The following CDH6 variants were observed in gnomAD, a reference collection of about 807,000 sequenced individuals.
CDH6 encodes cadherin-6.
A neutral mutation model predicts 78.0 loss-of-function variants in CDH6; 31 were observed. The ratio of observed to expected loss-of-function variants is 0.40; its 90% confidence interval spans 0.30 to 0.54. The LOEUF is 0.54. Ranked by LOEUF, CDH6 falls within the 20% of genes least tolerant of loss-of-function variation. The pLI, the probability that CDH6 is intolerant of heterozygous loss-of-function variation, is 0.56. For synonymous variants in CDH6, 376 were observed against 368.8 expected, an observed-to-expected ratio of 1.02 and a Z score of -0.23; for missense variants, 724 against 975.9, an observed-to-expected ratio of 0.74 and a Z score of 3.44.
In CDH6 at chr5:31,247,994, C is replaced by T. The variant is rs548819385; in HGVS notation, c.-128-19352C>T. ...GGAGACTTTTTTCCATATAGTTCAA[C>T]GTAATTTAGTTTTAAAAACTAAAAA... On this transcript the variant is annotated intron_variant, in intron 1 of 11. Transcript: ENST00000265071. 1.2e-4 allele frequency among the ~76,000 whole-genome samples: 18 copies of T among 152,228 alleles called. No homozygotes were observed. In the South Asian group the frequency reaches 2.3e-3, roughly 19 times the overall value.
In CDH6 at chr5:31,325,471, T is replaced by C. The variant is rs1738605456; in HGVS notation, c.*2163T>C. On this transcript the variant is annotated 3_prime_UTR_variant, in exon 12 of 12. Transcript: ENST00000265071. ...GTTAGAAGCTACTTACTCATAGCAA[T>C]AGAACAGCACCTTAATCACACGATT... is the stretch of plus-strand genomic sequence containing the variant. 1 of 231,592 alleles carries C rather than the reference T, an allele frequency of 4.3e-6. No homozygotes were observed. The highest frequency in any genetic ancestry group is 8.5e-6 in the Non-Finnish European group (1 of 117,038). The allele number at this position is 231,592 out of a possible 1,614,324, so 14.3% of individuals were successfully genotyped here. A position where few individuals can be genotyped will look rare whatever the true frequency, so the allele number is the denominator to read the frequency against.
chr5:31,301,242 T>C (rs922965196), intron 5 of CDH6, among the ~76,000 whole-genome samples: 3 of 152,240 alleles, frequency 2.0e-5, no homozygotes, highest in Non-Finnish European at 4.4e-5. Flanking sequence ...AACGCCTACA[T>C]TTTAGTAGTG....
At chr5:31,220,099 T>G (rs370270623) in intron 1 of CDH6, among the ~76,000 whole-genome samples, 33 of 152,336 alleles carry the variant, frequency 2.2e-4, no homozygotes, top group African/African-American at 7.7e-4. Flanking sequence ...CTTTGTACAC[T>G]TCCACAATTA....
intron 1 of CDH6, among the ~76,000 whole-genome samples, chr5:31,266,981 G>T (rs1742379649): frequency 1.3e-5 from 2 of 152,144 alleles, no homozygotes; most frequent in Non-Finnish European, 2.9e-5. Flanking sequence ...TTGTTCATGA[G>T]GATAAATATG....
chr5:31,244,166 G>A (rs1310315095), intron 1 of CDH6, among the ~76,000 whole-genome samples: 1 of 152,186 alleles, frequency 6.6e-6, no homozygotes, highest in Non-Finnish European at 1.5e-5. Context: ...CCAGATGTGT[G>A]TATGATAAGG....
At chr5:31,306,858 G>A (rs544833725) in intron 7 of CDH6, among the ~76,000 whole-genome samples, 2 of 152,282 alleles carry the variant, frequency 1.3e-5, no homozygotes, top group South Asian at 2.1e-4. Flanking sequence ...AAGAGCACCT[G>A]GAGTACTATT....
At chr5:31,249,860 A>C (rs761361912) in intron 1 of CDH6, 2 of 152,410 alleles carry the variant, frequency 1.3e-5, no homozygotes, top group Non-Finnish European at 2.9e-5. Flanking sequence ...TTGGACCAAC[A>C]CTTCACGCAG....
In CDH6 at chr5:31,302,958, G is replaced by GAAAGAAAGAAAGAAA. The variant is rs1561066578; in HGVS notation, c.999+660_999+661insAAAGAAAGAAAGAAA. Among the ~76,000 whole-genome samples, 94 of 106,130 alleles carry GAAAGAAAGAAAGAAA rather than the reference G, an allele frequency of 8.9e-4. 1 individual carries two copies. Among genetic ancestry groups the GAAAGAAAGAAAGAAA allele is most frequent in the East Asian group, 8.2e-3 (34 of 4,132 alleles). The allele number at this position is 106,130 out of a possible 152,430, so 69.6% of individuals were successfully genotyped here. A position where few individuals can be genotyped will look rare whatever the true frequency, so the allele number is the denominator to read the frequency against. The stretch of plus-strand genomic sequence containing the variant: ...AAGAAAGAAAGAAAGAAAGAAAGAA[G>GAAAGAAAGAAAGAAA]GAAAGAAAAGAAAGAAAGAAAGAAA... On this transcript the variant is annotated intron_variant, in intron 6 of 11. Coordinates refer to ENST00000265071, the MANE Select transcript of CDH6 (RefSeq NM_004932.4).
chr5:31,323,433 C>G lies in CDH6; in HGVS notation c.*125C>G. ...CGTTCCAAAAGCCAATGGCTGCAGT[C>G]CGTGTGGATCCAATGTTAGAGACTT... On this transcript the variant is annotated 3_prime_UTR_variant, in exon 12 of 12. Coordinates refer to ENST00000265071, the MANE Select transcript of CDH6 (RefSeq NM_004932.4). The G allele has an allele frequency of 9.2e-7, 1 of 1,082,230 alleles. No individual in the cohort carries two copies. Among genetic ancestry groups the G allele is most frequent in the Non-Finnish European group, 1.3e-6 (1 of 755,614 alleles). 67.0% of individuals were successfully genotyped at this position (1,082,230 alleles called of 1,614,324 possible).
At chr5:31,246,967 T>G (rs147229451) in intron 1 of CDH6, among the ~76,000 whole-genome samples, 3,863 of 152,278 alleles carry the variant, frequency 0.025, 170 homozygotes, top group African/African-American at 0.087. Flanking sequence ...GCCAGGCTGG[T>G]CTTGAACTCC....
chr5:31,202,756 C>CAT (rs1226637005), intron 1 of CDH6, among the ~76,000 whole-genome samples: 10 of 149,554 alleles, frequency 6.7e-5, no homozygotes, highest in African/African-American at 1.7e-4. Context: ...ATATATGTAA[C>CAT]ATATACACGC....
chr5:31,259,751 C>T (rs927713424), intron 1 of CDH6, among the ~76,000 whole-genome samples: 3 of 152,130 alleles, frequency 2.0e-5, no homozygotes, highest in Non-Finnish European at 2.9e-5. Context: ...AGACAGGGTC[C>T]ACGTGCCCAA....
In CDH6 at chr5:31,233,175, T is replaced by C. The variant is rs192442595; in HGVS notation, c.-128-34171T>C. Among the ~76,000 whole-genome samples the C allele has an allele frequency of 6.8e-3, 1,032 of 151,568 alleles. 46 individuals carry two copies. Among genetic ancestry groups the C allele is most frequent in the Admixed American group, 0.062 (937 of 15,216 alleles). On this transcript the variant is annotated intron_variant, in intron 1 of 11. Transcript: ENST00000265071. ...ACATCCACACACATATACACACAAA[T>C]GCACACATATACACATACAGAGAGT...
chr5:31,322,583 G>A (rs1738499749), intron 11 of CDH6, among the ~76,000 whole-genome samples: 1 of 152,136 alleles, frequency 6.6e-6, no homozygotes. Flanking sequence ...GCCAAAATAT[G>A]ATGGTGTTTT....
At chr5:31,309,920 A>T (rs1738096019) in intron 7 of CDH6, among the ~76,000 whole-genome samples, 1 of 152,166 alleles carries the variant, frequency 6.6e-6, no homozygotes, top group Non-Finnish European at 1.5e-5. Context: ...ACACATGGGG[A>T]TTACAATTTG....
intron 2 of CDH6, among the ~76,000 whole-genome samples, chr5:31,289,535 C>T (rs183212972): frequency 6.6e-6 from 1 of 152,238 alleles, no homozygotes; most frequent in East Asian, 1.9e-4. Flanking sequence ...ACTTTTAGTT[C>T]TCTGAGAAAT....
intron 1 of CDH6, among the ~76,000 whole-genome samples, chr5:31,208,703 C>A (rs560314675): frequency 1.8e-3 from 277 of 152,256 alleles, no homozygotes; most frequent in Non-Finnish European, 3.0e-3. Flanking sequence ...GCACATCAAA[C>A]TGAATCTACA....
At chr5:31,320,033 A>C (rs558286689) in intron 11 of CDH6, among the ~76,000 whole-genome samples, 2 of 152,252 alleles carry the variant, frequency 1.3e-5, no homozygotes, top group South Asian at 4.1e-4. Context: ...TTGTCCCTCT[A>C]TTCCGCCAAA....
chr5:31,302,930 A>AGAAT (rs1737851047), intron 6 of CDH6, among the ~76,000 whole-genome samples: 1 of 128,714 alleles, frequency 7.8e-6, no homozygotes. Flanking sequence ...AAAGAAAGAA[A>AGAAT]GAAAGAAAGA....
Sources: allele counts gnomAD v4.1 joint callset (sites outside exome capture counted in the v4.1 genomes callset), GRCh38; gene constraint gnomAD v4.1.1; transcripts MANE v1.5; gene names NCBI Gene and HGNC (gene_info 2026-07-23, HGNC 2026-07-21).